Variants in PEPD observed in about 807,000 individuals in gnomAD.
PEPD encodes the protein xaa-Pro dipeptidase.
A neutral mutation model predicts 60.7 loss-of-function variants in PEPD; 53 were observed. That is an observed-to-expected ratio of 0.87 (90% CI 0.70 to 1.10). PEPD has a LOEUF of 1.10. Ranked by LOEUF, PEPD falls within the 50% of genes least tolerant of loss-of-function variation. The probability of loss-of-function intolerance (pLI) is 0.00; values close to 1 mark genes in which losing one functional copy is unlikely to be tolerated. For missense variants in PEPD, 711 were observed against 711.9 expected (o/e 1.00, Z 0.01); for synonymous variants, 267 against 284.1 (o/e 0.94, Z 0.60).
At chr19:33,478,320 A>G (rs1023202359) in intron 6 of PEPD, among the ~76,000 whole-genome samples, 13 of 152,218 alleles carry the variant, frequency 8.5e-5, no homozygotes, top group Admixed American at 8.5e-4. Flanking sequence ...TATGGCTACA[A>G]AACACCAGCC....
chr19:33,422,251 A>G (rs1022166323), intron 9 of PEPD, among the ~76,000 whole-genome samples: 1 of 152,100 alleles, frequency 6.6e-6, no homozygotes, highest in Admixed American at 6.5e-5. Context: ...CTTCACAGGG[A>G]GGCATCCTGA....
intron 9 of PEPD, among the ~76,000 whole-genome samples, chr19:33,422,127 GAACTGCCAGGCA>G (rs1178397961): frequency 6.6e-6 from 1 of 152,006 alleles, no homozygotes; most frequent in Non-Finnish European, 1.5e-5. Context: ...GCTGCTCCTG[GAACTGCCAGGCA>G]AGTTCCCACC....
chr19:33,414,155 C>T (rs182040213), intron 9 of PEPD, among the ~76,000 whole-genome samples: 1 of 152,330 alleles, frequency 6.6e-6, no homozygotes, highest in Non-Finnish European at 1.5e-5. Context: ...AAGGGACAGG[C>T]CTCCTGCAGG....
chr19:33,452,000 T>C (rs1969708932), intron 9 of PEPD, among the ~76,000 whole-genome samples: 2 of 152,164 alleles, frequency 1.3e-5, no homozygotes, highest in African/African-American at 4.8e-5. Flanking sequence ...AATTAGATAA[T>C]AAACCTGATT....
At chr19:33,450,417 C>A (rs1600125634) in intron 9 of PEPD, among the ~76,000 whole-genome samples, 1 of 152,322 alleles carries the variant, frequency 6.6e-6, no homozygotes, top group East Asian at 1.9e-4. Flanking sequence ...ATGAAAAGTT[C>A]CCTGGAAAGA....
chr19:33,503,851 G>A (rs909807919), intron 3 of PEPD, among the ~76,000 whole-genome samples: 1 of 152,086 alleles, frequency 6.6e-6, no homozygotes, highest in Non-Finnish European at 1.5e-5. Context: ...TGAGGCCAGC[G>A]CCCTACAGAG....
intron 11 of PEPD, among the ~76,000 whole-genome samples, chr19:33,406,262 T>C (rs555340025): frequency 6.6e-6 from 1 of 152,314 alleles, no homozygotes; most frequent in Non-Finnish European, 1.5e-5. Context: ...GTTCAAACTG[T>C]GGGTCATGAC....
In PEPD at chr19:33,428,592, G is replaced by A. The variant is rs186337887; in HGVS notation, c.672-14949C>T. ...CAAAACCACCGTGGGCCAGGCTGAC[G>A]CCCCTCTCCAGAAATCTCCCTGGGT... On this transcript the variant is annotated intron_variant, in intron 9 of 14. Transcript: ENST00000244137. Among the ~76,000 whole-genome samples, 19 of 152,280 alleles carry A rather than the reference G, an allele frequency of 1.2e-4. 1 individual carries two copies. Among genetic ancestry groups the A allele is most frequent in the Admixed American group, 2.6e-4 (4 of 15,300 alleles).
chr19:33,487,140 G>A (rs1301126898), intron 6 of PEPD: 1 of 152,234 alleles, frequency 6.6e-6, no homozygotes, highest in Non-Finnish European at 1.5e-5. Context: ...CGGCAGGCAG[G>A]GGAATGCGGT....
intron 9 of PEPD, among the ~76,000 whole-genome samples, chr19:33,434,600 C>T (rs888871177): frequency 4.0e-5 from 6 of 151,516 alleles, no homozygotes; most frequent in African/African-American, 1.5e-4. Context: ...AGGACGAGGG[C>T]GCATCTGGCC....
At chr19:33,444,696 C>G (rs545014231) in intron 9 of PEPD, among the ~76,000 whole-genome samples, 47 of 151,726 alleles carry the variant, frequency 3.1e-4, no homozygotes, top group African/African-American at 9.9e-4. Flanking sequence ...ACTCACCCCC[C>G]AAAGCCAAGC....
intron 11 of PEPD, among the ~76,000 whole-genome samples, chr19:33,406,134 C>A (rs1002706676): frequency 6.6e-6 from 1 of 152,224 alleles, no homozygotes; most frequent in African/African-American, 2.4e-5. Flanking sequence ...GGCGTCAGGG[C>A]AGTGGCCTTG....
chr19:33,481,515 G>A (rs183963090), intron 6 of PEPD, among the ~76,000 whole-genome samples: 125 of 152,174 alleles, frequency 8.2e-4, no homozygotes, highest in Non-Finnish European at 1.4e-3. Context: ...GCAGTGAGCC[G>A]AGATCGTGCC....
chr19:33,411,708 G>C lies in PEPD; in HGVS notation c.782C>G (p.Ala261Gly). 2 of 1,611,074 alleles carry C rather than the reference G, an allele frequency of 1.2e-6. No individual in the cohort carries two copies. Among genetic ancestry groups the C allele is most frequent in the East Asian group, 4.5e-5 (2 of 44,876 alleles). ...ATTCTGGATCGTTCGGTCGTTGGGA[G>C]CTCCGGCGTGTCCGTAGTGTAGCAC... ...SAVLHYGHAG[A>G]PNDRTIQNGD... The change falls in exon 11 of 15, where the codon GCT (alanine) becomes GGT (glycine). Residue 261 changes from alanine to glycine, a missense_variant. Ala to Gly is a moderately conservative substitution (Grantham distance 60, BLOSUM62 0). Coordinates refer to ENST00000244137, the MANE Select transcript of PEPD (RefSeq NM_000285.4).
At chr19:33,463,894 G>T in intron 8 of PEPD, 93 bp downstream of exon 8, 1 of 823,952 alleles carries the variant, frequency 1.2e-6, no homozygotes. Context: ...TCAGGGATTA[G>T]AGCCCACCTG....
Position 33,413,655 on chromosome 19 carries a change from G to C in PEPD, c.672-12C>G, listed in dbSNP as rs1341184263. 2.6e-6 allele frequency: 4 copies of C among 1,559,714 alleles called. No homozygotes were observed. Among genetic ancestry groups the C allele is most frequent in the African/African-American group, 1.4e-5 (1 of 73,814 alleles). ...AGTGCTCGAAGAGGCTGCAGGGGGA[G>C]AGACGCGTCAGGGTTGGGGCACTAG... On this transcript the variant is annotated splice_polypyrimidine_tract_variant and intron_variant, in intron 9 of 14. Coordinates refer to ENST00000244137, the MANE Select transcript of PEPD (RefSeq NM_000285.4).
chr19:33,432,985 A>G (rs73588253), intron 9 of PEPD, among the ~76,000 whole-genome samples: 2,203 of 152,322 alleles, frequency 0.014, 58 homozygotes, highest in African/African-American at 0.049. Context: ...AGGCTCCCTC[A>G]CTGCCATGCT....
At chr19:33,412,053 T>G (rs999339854) in intron 10 of PEPD, among the ~76,000 whole-genome samples, 2 of 152,184 alleles carry the variant, frequency 1.3e-5, no homozygotes, top group African/African-American at 4.8e-5. Context: ...CATGTAAAAC[T>G]TAGCAATGGG....
chr19:33,391,948 G>C (rs1239105903), intron 12 of PEPD, among the ~76,000 whole-genome samples: 1 of 152,224 alleles, frequency 6.6e-6, no homozygotes, highest in African/African-American at 2.4e-5. Flanking sequence ...GCTCCGATGG[G>C]GTTTTGCTGC....
Sources: gnomAD v4.1 joint callset for allele counts (sites outside exome capture counted in the v4.1 genomes callset) on GRCh38, gnomAD v4.1.1 for gene constraint, MANE v1.5 for transcripts, NCBI Gene and HGNC (gene_info 2026-07-23, HGNC 2026-07-21) for gene names.